The following CCDC93 variants were observed in gnomAD, a reference collection of about 807,000 sequenced individuals.
CCDC93 encodes coiled-coil domain-containing protein 93.
CCDC93 carries 61 observed loss-of-function variants against 108.2 expected under a neutral mutation model. That is an observed-to-expected ratio of 0.56 (90% CI 0.46 to 0.70). The LOEUF (loss-of-function observed/expected upper bound fraction) is 0.70. CCDC93 is among the 30% of genes least tolerant of loss of function. The probability of loss-of-function intolerance (pLI) is 0.00; values close to 1 mark genes in which losing one functional copy is unlikely to be tolerated. For missense variants in CCDC93, 685 were observed against 764.2 expected, an observed-to-expected ratio of 0.90 and a Z score of 1.22; for synonymous variants, 276 against 260.4, an observed-to-expected ratio of 1.06 and a Z score of -0.58.
intron 23 of CCDC93, among the ~76,000 whole-genome samples, chr2:117,921,997 GA>G (rs911252101): frequency 2.6e-5 from 4 of 151,764 alleles, no homozygotes; most frequent in African/African-American, 7.2e-5. Context: ...TACTTGGGGG[GA>G]AAAAAGACTC....
At chr2:117,980,397 C>T (rs2104791613) in intron 7 of CCDC93, among the ~76,000 whole-genome samples, 1 of 152,262 alleles carries the variant, frequency 6.6e-6, no homozygotes, top group Non-Finnish European at 1.5e-5. Context: ...ACTTTTAGGG[C>T]AGAAGACATA....
At chr2:117,986,158 CTCT>C in intron 6 of CCDC93, 89 bp from the exon 7 acceptor site, 7 of 350,868 alleles carry the variant, frequency 2.0e-5, no homozygotes, top group East Asian at 1.1e-4. Context: ...GGGGTATATT[CTCT>C]TTTTTTTTTT....
chr2:117,928,306 C>T (rs1678195107), intron 23 of CCDC93, among the ~76,000 whole-genome samples: 1 of 152,056 alleles, frequency 6.6e-6, no homozygotes, highest in South Asian at 2.1e-4. Context: ...AAATAAACTA[C>T]CATAGGAGTG....
intron 23 of CCDC93, among the ~76,000 whole-genome samples, chr2:117,928,933 A>C (rs1165096188): frequency 6.6e-6 from 1 of 152,218 alleles, no homozygotes; most frequent in Non-Finnish European, 1.5e-5. Flanking sequence ...TGCAGCCATA[A>C]AAAAGGATGA....
At chr2:117,978,889 TC>T (rs1234227801) in intron 7 of CCDC93, among the ~76,000 whole-genome samples, 3 of 152,102 alleles carry the variant, frequency 2.0e-5, no homozygotes, top group African/African-American at 4.8e-5. Context: ...ACGCCTGTAG[TC>T]CCAGCTACTT....
At chr2:118,012,357 T>G (rs530520550) in intron 1 of CCDC93, 1 of 152,356 alleles carries the variant, frequency 6.6e-6, no homozygotes, top group South Asian at 2.1e-4. Context: ...TTATATTTAC[T>G]AGCTTCTGAA....
At chr2:118,004,616 C>T (rs1255546598) in intron 3 of CCDC93, among the ~76,000 whole-genome samples, 2 of 152,190 alleles carry the variant, frequency 1.3e-5, no homozygotes, top group East Asian at 3.9e-4. Flanking sequence ...AGAACACATT[C>T]CAAAACCAAA....
intron 11 of CCDC93, among the ~76,000 whole-genome samples, chr2:117,967,616 T>A (rs1177054980): frequency 6.6e-6 from 1 of 152,156 alleles, no homozygotes; most frequent in African/African-American, 2.4e-5. Context: ...CTAAGGAAGC[T>A]CCACCTAGCC....
At chr2:117,993,907 TA>T (rs1680564188) in intron 6 of CCDC93, among the ~76,000 whole-genome samples, 1 of 152,200 alleles carries the variant, frequency 6.6e-6, no homozygotes, top group Non-Finnish European at 1.5e-5. Flanking sequence ...CTAAATTTTG[TA>T]TTTTTTGTAG....
At chr2:117,945,109 A>C (rs1015267991) in intron 17 of CCDC93, among the ~76,000 whole-genome samples, 1 of 152,196 alleles carries the variant, frequency 6.6e-6, no homozygotes, top group Non-Finnish European at 1.5e-5. Flanking sequence ...CAAAGCCAAA[A>C]AGAGTTACTA....
chr2:117,963,065 G>C (rs1679445043), intron 11 of CCDC93, among the ~76,000 whole-genome samples: 1 of 152,158 alleles, frequency 6.6e-6, no homozygotes, highest in African/African-American at 2.4e-5. Flanking sequence ...AGCAAAAGCA[G>C]ATCTTCCCTG....
At chr2:117,965,853 A>AT (rs1393882955) in intron 11 of CCDC93, among the ~76,000 whole-genome samples, 1 of 152,116 alleles carries the variant, frequency 6.6e-6, no homozygotes, top group African/African-American at 2.4e-5. Flanking sequence ...CATGACAGTG[A>AT]TTATGAGGTC....
rs1244083731 is a variant in CCDC93 at position 117,916,391 on chromosome 2, C to T, written c.*3952G>A. 6.6e-6 allele frequency: 1 copy of T among 152,160 alleles called. No individual in the cohort carries two copies. Among genetic ancestry groups the T allele is most frequent in the Non-Finnish European group, 1.5e-5 (1 of 68,038 alleles). 9.4% of individuals were successfully genotyped at this position (152,160 alleles called of 1,614,324 possible). On this transcript the variant is annotated 3_prime_UTR_variant, in exon 24 of 24. Coordinates refer to ENST00000376300, the MANE Select transcript of CCDC93 (RefSeq NM_019044.5). ...TTTGAAAGATTCAAAACCTCTGACA[C>T]CTTGTTTCATCTCAAACTTCAAGGT...
At chr2:117,931,581 T>C (rs1275603940) in intron 22 of CCDC93, 1 of 155,562 alleles carries the variant, frequency 6.4e-6, no homozygotes, top group Non-Finnish European at 1.4e-5. Flanking sequence ...AGCAAAGAAT[T>C]ATCTAGCCCG....
At chr2:117,986,818 A>G (rs541160124) in intron 6 of CCDC93, among the ~76,000 whole-genome samples, 1 of 152,294 alleles carries the variant, frequency 6.6e-6, no homozygotes, top group Non-Finnish European at 1.5e-5. Context: ...AATATTCCCC[A>G]GTTTACTGCT....
At chr2:117,965,955 A>G (rs1408865952) in intron 11 of CCDC93, among the ~76,000 whole-genome samples, 4 of 152,276 alleles carry the variant, frequency 2.6e-5, no homozygotes, top group Non-Finnish European at 1.5e-5. Flanking sequence ...AGAAGACTTC[A>G]TACGTTTGGA....
At chr2:117,958,011 C>T (rs1346145993) in intron 12 of CCDC93, among the ~76,000 whole-genome samples, 1 of 152,208 alleles carries the variant, frequency 6.6e-6, no homozygotes, top group Non-Finnish European at 1.5e-5. Flanking sequence ...GCCTAGCACA[C>T]AGTAGTGCTC....
intron 23 of CCDC93, among the ~76,000 whole-genome samples, chr2:117,928,707 C>A (rs1316766939): frequency 1.3e-5 from 2 of 152,168 alleles, no homozygotes; most frequent in African/African-American, 4.8e-5. Flanking sequence ...TGTGGCGATT[C>A]CTCAGGCATC....
At chr2:117,990,940 T>A in intron 6 of CCDC93, among the ~76,000 whole-genome samples, 1 of 151,754 alleles carries the variant, frequency 6.6e-6, no homozygotes. Context: ...TTTGTTTTTC[T>A]CCATTTCCTA....
Sources: allele counts gnomAD v4.1 joint callset (sites outside exome capture counted in the v4.1 genomes callset), GRCh38; gene constraint gnomAD v4.1.1; transcripts MANE v1.5; gene names NCBI Gene and HGNC (gene_info 2026-07-23, HGNC 2026-07-21).